HS3ST4: variants seen among roughly 807,000 people sequenced by gnomAD.
HS3ST4 encodes the protein heparan sulfate glucosamine 3-O-sulfotransferase 4.
In HS3ST4, 17 loss-of-function variants were observed where a neutral mutation model predicts 29.2. That is an observed-to-expected ratio of 0.58 (90% CI 0.40 to 0.87). The LOEUF (loss-of-function observed/expected upper bound fraction) is 0.87. Among genes scored for constraint, HS3ST4 ranks in the 40% least tolerant of loss-of-function variants. The pLI, the probability that HS3ST4 is intolerant of heterozygous loss-of-function variation, is 0.00. For synonymous variants in HS3ST4, 314 were observed against 285.7 expected, an observed-to-expected ratio of 1.10 and a Z score of -1.00; for missense variants, 627 against 634.5, an observed-to-expected ratio of 0.99 and a Z score of 0.13.
At chr16:26,046,727 ATG>A (rs759316894) in intron 1 of HS3ST4, among the ~76,000 whole-genome samples, 6 of 151,388 alleles carry the variant, frequency 4.0e-5, no homozygotes, top group African/African-American at 7.3e-5. Context: ...ATATATATAT[ATG>A]TGTGTGTGTG....
At chr16:25,784,824 C>T (rs543703932) in intron 1 of HS3ST4, among the ~76,000 whole-genome samples, 1 of 152,300 alleles carries the variant, frequency 6.6e-6, no homozygotes, top group South Asian at 2.1e-4. Flanking sequence ...CTACACTAAA[C>T]AACAGATTTT....
At chr16:25,713,052 T>A (rs865856323) in intron 1 of HS3ST4, among the ~76,000 whole-genome samples, 1 of 150,110 alleles carries the variant, frequency 6.7e-6, no homozygotes, top group Non-Finnish European at 1.5e-5. Flanking sequence ...TTTTTTTTAA[T>A]TTTTATTTAT....
intron 1 of HS3ST4, among the ~76,000 whole-genome samples, chr16:26,061,597 T>G (rs1898477102): frequency 6.6e-6 from 1 of 152,232 alleles, no homozygotes; most frequent in Admixed American, 6.5e-5. Context: ...GGACTTTTGT[T>G]GGAAGTGACG....
At chr16:25,805,878 C>G (rs1013478151) in intron 1 of HS3ST4, among the ~76,000 whole-genome samples, 7 of 152,038 alleles carry the variant, frequency 4.6e-5, no homozygotes, top group African/African-American at 7.2e-5. Context: ...CCGACGGGCC[C>G]CATTGTGTGT....
intron 1 of HS3ST4, among the ~76,000 whole-genome samples, chr16:25,851,084 A>G (rs1967516617): frequency 6.6e-6 from 1 of 152,234 alleles, no homozygotes; most frequent in African/African-American, 2.4e-5. Flanking sequence ...AAGTTTTCCA[A>G]TGAAACTGAG....
chr16:26,085,861 G>A (rs938613319), intron 1 of HS3ST4, among the ~76,000 whole-genome samples: 23 of 150,438 alleles, frequency 1.5e-4, no homozygotes, highest in African/African-American at 4.9e-4. Flanking sequence ...GTGACAGAGC[G>A]AGACCCTGTC....
intron 1 of HS3ST4, among the ~76,000 whole-genome samples, chr16:26,018,029 A>G (rs572356537): frequency 7.9e-5 from 12 of 152,224 alleles, no homozygotes; most frequent in Non-Finnish European, 1.6e-4. Flanking sequence ...CAAAGAAATA[A>G]GCCAAGATGG....
intron 1 of HS3ST4, among the ~76,000 whole-genome samples, chr16:25,787,813 A>AT (rs1264084144): frequency 2.6e-5 from 4 of 152,114 alleles, no homozygotes; most frequent in African/African-American, 9.7e-5. Flanking sequence ...AATTCATATG[A>AT]TTTTCTGTTT....
chr16:26,106,038 A>G (rs1422400364), intron 1 of HS3ST4, among the ~76,000 whole-genome samples: 1 of 152,218 alleles, frequency 6.6e-6, no homozygotes, highest in Non-Finnish European at 1.5e-5. Flanking sequence ...ATGAAGAACA[A>G]AAGATACAGT....
chr16:25,978,615 T>G (rs1433297048), intron 1 of HS3ST4, among the ~76,000 whole-genome samples: 1 of 152,228 alleles, frequency 6.6e-6, no homozygotes, highest in Non-Finnish European at 1.5e-5. Flanking sequence ...AAGTAGGTGA[T>G]CTGGAGCAAG....
chr16:25,926,192 A>T (rs927930085), intron 1 of HS3ST4, among the ~76,000 whole-genome samples: 93 of 152,226 alleles, frequency 6.1e-4, no homozygotes, highest in African/African-American at 2.1e-3. Context: ...CCCCCAAAAG[A>T]TCTTTCATGC....
At chr16:25,753,895 A>G (rs1226818263) in intron 1 of HS3ST4, among the ~76,000 whole-genome samples, 1 of 152,216 alleles carries the variant, frequency 6.6e-6, no homozygotes, top group Non-Finnish European at 1.5e-5. Context: ...ACACAACGGT[A>G]GGTATAGATC....
At chr16:25,945,008 GAAAAC>G (rs535551448) in intron 1 of HS3ST4, among the ~76,000 whole-genome samples, 141 of 152,108 alleles carry the variant, frequency 9.3e-4, no homozygotes, top group African/African-American at 3.0e-3. Context: ...ATCCTCTGTG[GAAAAC>G]AAAACAAAAC....
At chr16:26,022,392 C>G (rs1969422213) in intron 1 of HS3ST4, among the ~76,000 whole-genome samples, 1 of 152,166 alleles carries the variant, frequency 6.6e-6, no homozygotes, top group Non-Finnish European at 1.5e-5. Flanking sequence ...TCTGCAATTA[C>G]ATAGTGGACA....
intron 1 of HS3ST4, among the ~76,000 whole-genome samples, chr16:25,935,920 T>TC (rs1441895379): frequency 6.6e-6 from 1 of 152,026 alleles, no homozygotes; most frequent in Non-Finnish European, 1.5e-5. Context: ...AGACTTTTTT[T>TC]TAATTTTTGA....
chr16:25,768,838 C>G (rs1431723848), intron 1 of HS3ST4, among the ~76,000 whole-genome samples: 2 of 152,114 alleles, frequency 1.3e-5, no homozygotes, highest in African/African-American at 2.4e-5. Flanking sequence ...ATCTGGATTT[C>G]TGGCTTCTTT....
chr16:26,018,067 C>G (rs1969377337), intron 1 of HS3ST4, among the ~76,000 whole-genome samples: 1 of 152,170 alleles, frequency 6.6e-6, no homozygotes, highest in Non-Finnish European at 1.5e-5. Flanking sequence ...CAGTAGAGAG[C>G]TGATTATCAC....
chr16:25,716,485 C>T (rs1294538417), intron 1 of HS3ST4, among the ~76,000 whole-genome samples: 1 of 152,160 alleles, frequency 6.6e-6, no homozygotes, highest in East Asian at 1.9e-4. Flanking sequence ...CTTGAACAGT[C>T]ATTAGGTGCC....
intron 1 of HS3ST4, among the ~76,000 whole-genome samples, chr16:26,105,836 A>G (rs550954914): frequency 1.1e-3 from 173 of 152,370 alleles, no homozygotes; most frequent in African/African-American, 3.9e-3. Flanking sequence ...AAATCACTGC[A>G]GTGTGCACAT....
Sources: allele counts gnomAD v4.1 joint callset (sites outside exome capture counted in the v4.1 genomes callset), GRCh38; gene constraint gnomAD v4.1.1; transcripts MANE v1.5; gene names NCBI Gene and HGNC (gene_info 2026-07-23, HGNC 2026-07-21).